Variants in UBXN11 observed in about 807,000 individuals in gnomAD.
UBXN11 encodes the protein UBX domain protein 11.
A neutral mutation model predicts 62.8 loss-of-function variants in UBXN11; 47 were observed. The ratio of observed to expected loss-of-function variants is 0.75; its 90% CI spans 0.59 to 0.95. The LOEUF (loss-of-function observed/expected upper bound fraction) is 0.95. UBXN11 is among the 40% of genes least tolerant of loss of function. The pLI is 0.00. For missense variants in UBXN11, 638 were observed against 661.7 expected, an observed-to-expected ratio of 0.96 and a Z score of 0.39; for synonymous variants, 294 against 267.0, an observed-to-expected ratio of 1.10 and a Z score of -0.99.
Position 26,284,459 on chromosome 1 carries a change from G to A in UBXN11, c.876C>T (p.Val292=), listed in dbSNP as rs1228794004. The change falls in exon 11 of 15, where the codon GTC becomes GTT. Residue 292 remains valine (V), a synonymous_variant. Transcript: ENST00000374222. ...AGGGGTCCAGTCCATCCTCCAGGTAGACCTGATTGCGCAAGTCACTCACCT... is the reference window on the plus strand; with the variant it reads ...AGGGGTCCAGTCCATCCTCCAGGTAAACCTGATTGCGCAAGTCACTCACCT... ...PFKVSDLRNQ[V]YLEDGLDPFP... 6.2e-7 allele frequency: 1 copy of A among 1,608,676 alleles called. No individual in the cohort carries two copies. Among genetic ancestry groups the A allele is most frequent in the African/African-American group, 1.3e-5 (1 of 74,788 alleles).
chr1:26,312,426 A>G (rs988237301), intron 1 of UBXN11, among the ~76,000 whole-genome samples: 3 of 151,506 alleles, frequency 2.0e-5, no homozygotes, highest in African/African-American at 7.3e-5. Context: ...AATTTTTTGT[A>G]TTTTCAGTAG....
chr1:26,317,951 A>C lies in UBXN11; in HGVS notation c.-149+96T>G. 2.8e-6 allele frequency: 4 copies of C among 1,418,150 alleles called. No homozygotes were observed. In the South Asian group the frequency reaches 4.6e-5, roughly 16 times the overall value. The allele number at this position is 1,418,150 out of a possible 1,614,324, so 87.8% of individuals were successfully genotyped here. On this transcript the variant is annotated intron_variant, in intron 1 of 14. Transcript: ENST00000374217. ...GTTCAAAAGCAGCTAAACCAAAAGA[A>C]GCCTCCAGACAGCCCTGAGATCACC...
chr1:26,313,692 A>T (rs975047244), intron 1 of UBXN11, among the ~76,000 whole-genome samples: 9 of 151,830 alleles, frequency 5.9e-5, no homozygotes, highest in Non-Finnish European at 1.3e-4. Flanking sequence ...GCCCAATCTG[A>T]TGTTAAACCT....
At chr1:26,309,610 C>T (rs2073720045), upstream of UBXN11, among the ~76,000 whole-genome samples, 1 of 152,076 alleles carries the variant, frequency 6.6e-6, no homozygotes. Flanking sequence ...TACAATTTCA[C>T]TGGAGAAACT....
intron 1 of UBXN11, among the ~76,000 whole-genome samples, chr1:26,317,337 T>C (rs1355489876): frequency 1.3e-5 from 2 of 152,138 alleles, no homozygotes; most frequent in Non-Finnish European, 1.5e-5. Flanking sequence ...AACTGAGGCC[T>C]AGAGAGGGAA....
intron 1 of UBXN11, among the ~76,000 whole-genome samples, chr1:26,316,113 T>C (rs1049276687): frequency 5.4e-5 from 8 of 148,628 alleles, no homozygotes; most frequent in African/African-American, 2.0e-4. Context: ...TTTGTGCCAC[T>C]ATGCCCGGCT....
chr1:26,289,748 C>A (rs2073214420), intron 8 of UBXN11, among the ~76,000 whole-genome samples: 1 of 152,200 alleles, frequency 6.6e-6, no homozygotes, highest in Non-Finnish European at 1.5e-5. Context: ...CCAGACCCTA[C>A]CATGCTCAGT....
At chr1:26,308,254 T>A (rs1270762168), upstream of UBXN11, among the ~76,000 whole-genome samples, 8 of 111,904 alleles carry the variant, frequency 7.1e-5, no homozygotes, top group African/African-American at 7.0e-5. Flanking sequence ...GCAACAAGAG[T>A]GAAACTCTGT....
At chr1:26,294,370 T>C in intron 7 of UBXN11, 39 bp from the exon 8 acceptor site, 1 of 1,606,298 alleles carries the variant, frequency 6.2e-7, no homozygotes, top group Non-Finnish European at 8.5e-7. Context: ...CACCGTCAGC[T>C]CAGCCCCTTC....
At chr1:26,283,002 T>C in intron 12 of UBXN11, 65 bp from the exon 13 acceptor site, 1 of 1,599,442 alleles carries the variant, frequency 6.3e-7, no homozygotes, top group East Asian at 2.2e-5. Flanking sequence ...CCACAAACCT[T>C]AGAGGGACAC....
intron 2 of UBXN11, among the ~76,000 whole-genome samples, chr1:26,302,237 CCTGTAGTCCCAGCTA>C (rs2073554537): frequency 6.6e-6 from 1 of 151,970 alleles, no homozygotes; most frequent in Admixed American, 6.6e-5. Flanking sequence ...ATAGCATGCG[CCTGTAGTCCCAGCTA>C]CTGAGGCTGA....
chr1:26,302,406 T>C (rs753403905), intron 2 of UBXN11, among the ~76,000 whole-genome samples: 23 of 144,000 alleles, frequency 1.6e-4, no homozygotes, highest in Admixed American at 2.8e-4. Flanking sequence ...CAAAGTGGTA[T>C]TCCAGAGAGC....
intron 10 of UBXN11, chr1:26,285,252 G>A (rs1015995681): frequency 2.2e-6 from 3 of 1,343,526 alleles, no homozygotes; most frequent in Non-Finnish European, 2.9e-6. Flanking sequence ...TGTCTCCAGG[G>A]TGCCAGCAGA....
intron 8 of UBXN11, among the ~76,000 whole-genome samples, chr1:26,286,263 C>T (rs2073131805): frequency 6.6e-6 from 1 of 152,194 alleles, no homozygotes; most frequent in Non-Finnish European, 1.5e-5. Flanking sequence ...TCTTATCAAG[C>T]CTATCTATAA....
rs139874367 is a variant in UBXN11, at chr1:26,303,734, A to G, written c.-35-816T>C. Among the ~76,000 whole-genome samples, 10 of 152,084 alleles carry G rather than the reference A, an allele frequency of 6.6e-5. No individual in the cohort carries two copies. In the East Asian group the frequency reaches 1.9e-3, roughly 29 times the overall value. ...ACCCACCCTCAGTTTCTTTTAGTAT[A>G]AAATGGGGGTCGTAATAGTACTGGC... On this transcript the variant is annotated intron_variant, in intron 1 of 14. Coordinates refer to ENST00000374222, the MANE Select transcript of UBXN11 (RefSeq NM_001389556.1).
intron 1 of UBXN11, among the ~76,000 whole-genome samples, chr1:26,303,842 G>A (rs944049492): frequency 6.6e-6 from 1 of 152,160 alleles, no homozygotes; most frequent in Non-Finnish European, 1.5e-5. Flanking sequence ...TGAAAAATGT[G>A]AGTTGGGGCT....
chr1:26,284,607 G>C, intron 10 of UBXN11, 125 bp from the exon 11 acceptor site: 1 of 1,409,114 alleles, frequency 7.1e-7, no homozygotes, highest in Admixed American at 3.3e-5. Flanking sequence ...TTTTACATAT[G>C]AGGAAACCCA....
chr1:26,293,776 C>A (rs1203027753), intron 8 of UBXN11, among the ~76,000 whole-genome samples: 1 of 147,098 alleles, frequency 6.8e-6, no homozygotes, highest in East Asian at 2.0e-4. Context: ...CCCACAGAAC[C>A]AGGTGGATTC....
intron 7 of UBXN11, among the ~76,000 whole-genome samples, chr1:26,296,670 G>A (rs2073401420): frequency 6.6e-6 from 1 of 152,210 alleles, no homozygotes; most frequent in Admixed American, 6.5e-5. Context: ...GGAGCCATGA[G>A]GTCTGCTAAG....
Sources: gnomAD v4.1 joint callset for allele counts (sites outside exome capture counted in the v4.1 genomes callset) on GRCh38, gnomAD v4.1.1 for gene constraint, MANE v1.5 for transcripts, NCBI Gene and HGNC (gene_info 2026-07-23, HGNC 2026-07-21) for gene names.